CPA6: variants seen among roughly 807,000 people sequenced by gnomAD.
CPA6 encodes carboxypeptidase B.
CPA6 carries 58 observed loss-of-function variants against 63.3 expected under a neutral mutation model. The observed-to-expected ratio is 0.92, with a 90% CI of 0.74 to 1.14. CPA6 has a LOEUF of 1.14. CPA6 is among the 50% of genes most tolerant of loss of function. The pLI, the probability that CPA6 is intolerant of heterozygous loss-of-function variation, is 0.00. For synonymous variants in CPA6, 185 were observed against 179.0 expected (o/e 1.03, Z -0.27); for missense variants, 565 against 526.6 (o/e 1.07, Z -0.71).
chr8:67,453,172 G>T (rs1027378733), intron 8 of CPA6, among the ~76,000 whole-genome samples: 2 of 152,156 alleles, frequency 1.3e-5, no homozygotes, highest in African/African-American at 4.8e-5. Context: ...GAAGGCTCCT[G>T]CAGTAACCCA....
chr8:67,733,065 G>A (rs1039218857), intron 1 of CPA6, among the ~76,000 whole-genome samples: 1 of 151,472 alleles, frequency 6.6e-6, no homozygotes, highest in African/African-American at 2.4e-5. Flanking sequence ...GTGTGGTGGC[G>A]GGCACCTGTA....
At chr8:67,663,578 T>A (rs910566611) in intron 1 of CPA6, among the ~76,000 whole-genome samples, 4 of 152,136 alleles carry the variant, frequency 2.6e-5, no homozygotes, top group African/African-American at 9.7e-5. Flanking sequence ...TGTGTCCATG[T>A]GTTCTCATTG....
chr8:67,566,318 T>C (rs1281894190), intron 2 of CPA6, among the ~76,000 whole-genome samples: 4 of 152,204 alleles, frequency 2.6e-5, no homozygotes, highest in Non-Finnish European at 5.9e-5. Flanking sequence ...GGGATGGGCA[T>C]CTCCTCATAG....
intron 2 of CPA6, among the ~76,000 whole-genome samples, chr8:67,612,856 A>C (rs1172143619): frequency 1.3e-5 from 2 of 152,240 alleles, no homozygotes; most frequent in African/African-American, 4.8e-5. Flanking sequence ...TTTGCTAATC[A>C]AGTAAGCCAG....
At chr8:67,499,813 C>T (rs1181248556) in intron 6 of CPA6, among the ~76,000 whole-genome samples, 1 of 152,210 alleles carries the variant, frequency 6.6e-6, no homozygotes, top group Non-Finnish European at 1.5e-5. Context: ...CAGGTTGCTG[C>T]ATTTATCAAT....
intron 8 of CPA6, among the ~76,000 whole-genome samples, chr8:67,480,947 T>A (rs1040170752): frequency 2.0e-5 from 3 of 152,262 alleles, no homozygotes; most frequent in African/African-American, 7.2e-5. Flanking sequence ...TTCATGTGCT[T>A]ATTCTCTTTT....
At chr8:67,729,141 G>A (rs867850415) in intron 1 of CPA6, among the ~76,000 whole-genome samples, 10 of 152,258 alleles carry the variant, frequency 6.6e-5, no homozygotes, top group South Asian at 4.1e-4. Context: ...CATTAGAAAT[G>A]CAGAGTCCCA....
intron 8 of CPA6, among the ~76,000 whole-genome samples, chr8:67,461,667 C>T (rs1810810800): frequency 6.6e-6 from 1 of 152,056 alleles, no homozygotes; most frequent in South Asian, 2.1e-4. Flanking sequence ...ACCTCCCGGA[C>T]GGGGCGGCTG....
intron 2 of CPA6, among the ~76,000 whole-genome samples, chr8:67,553,948 G>A (rs1813004480): frequency 1.3e-5 from 2 of 152,168 alleles, no homozygotes. Flanking sequence ...TAAACCATGT[G>A]CTATTCCTGA....
At chr8:67,641,161 A>T (rs1315246901) in intron 1 of CPA6, among the ~76,000 whole-genome samples, 1 of 151,746 alleles carries the variant, frequency 6.6e-6, no homozygotes, top group African/African-American at 2.4e-5. Context: ...TGCCATCACT[A>T]CTACTAAATT....
intron 1 of CPA6, among the ~76,000 whole-genome samples, chr8:67,687,105 A>G (rs1816723528): frequency 6.7e-6 from 1 of 149,522 alleles, no homozygotes; most frequent in South Asian, 2.1e-4. Context: ...CAGTGATGTT[A>G]GCATTTCCAG....
chr8:67,620,765 C>T (rs1815061895), intron 2 of CPA6, among the ~76,000 whole-genome samples: 1 of 152,168 alleles, frequency 6.6e-6, no homozygotes, highest in Non-Finnish European at 1.5e-5. Flanking sequence ...ATATCTCCAA[C>T]TTCAATCCAA....
chr8:67,653,056 T>C lies in CPA6; in HGVS notation c.117-28805A>G, dbSNP rs560567363. Among the ~76,000 whole-genome samples the C allele has an allele frequency of 3.9e-5, 6 of 152,326 alleles. No homozygotes were observed. The East Asian group carries it at 7.7e-4, about 20-fold the overall frequency. ...GTCAAAGATCAGATGGTTGTAGATA[T>C]GCGGCATTATTTCTGAGGGCTCTGT... On this transcript the variant is annotated intron_variant, in intron 1 of 10. Transcript: ENST00000297770.
chr8:67,447,441 T>G (rs1810450953), intron 8 of CPA6, among the ~76,000 whole-genome samples: 1 of 151,546 alleles, frequency 6.6e-6, no homozygotes, highest in Non-Finnish European at 1.5e-5. Flanking sequence ...TACATCTGAG[T>G]GCTTTTATTT....
Position 67,492,783 on chromosome 8 carries a change from C to A in CPA6, c.637-7994G>T, listed in dbSNP as rs752719729. Among the ~76,000 whole-genome samples the A allele has an allele frequency of 5.3e-5, 8 of 151,976 alleles. No individual in the cohort carries two copies. The South Asian group carries it at 1.7e-3, about 32-fold the overall frequency. Reference sequence around the variant, plus strand: ...CAGAACACTCACTATTATTAGGTAGCGGAGTACAACTAATGCAATGGATTT... The same window carrying A: ...CAGAACACTCACTATTATTAGGTAGAGGAGTACAACTAATGCAATGGATTT... On this transcript the variant is annotated intron_variant, in intron 6 of 10. Transcript: ENST00000297770.
intron 2 of CPA6, among the ~76,000 whole-genome samples, chr8:67,593,991 C>T (rs1024838207): frequency 2.7e-5 from 4 of 150,420 alleles, no homozygotes; most frequent in African/African-American, 9.8e-5. Context: ...ATGGTCTTTA[C>T]ATTTTGGCAT....
intron 2 of CPA6, among the ~76,000 whole-genome samples, chr8:67,540,428 T>C (rs529923481): frequency 6.6e-6 from 1 of 152,292 alleles, no homozygotes; most frequent in South Asian, 2.1e-4. Flanking sequence ...CTCTCCTGTA[T>C]GAGGTGTCTG....
intron 8 of CPA6, among the ~76,000 whole-genome samples, chr8:67,450,651 C>T (rs117910906): frequency 6.6e-6 from 1 of 152,312 alleles, no homozygotes; most frequent in Non-Finnish European, 1.5e-5. Context: ...GGAAGGCAAT[C>T]AGGCTACGGG....
chr8:67,432,793 GT>G (rs1810057160), intron 9 of CPA6, among the ~76,000 whole-genome samples: 2 of 152,186 alleles, frequency 1.3e-5, no homozygotes, highest in East Asian at 1.9e-4. Context: ...ACAGGTGATA[GT>G]ATGCAAAGCT....
Sources: gnomAD v4.1 joint callset for allele counts (sites outside exome capture counted in the v4.1 genomes callset) on GRCh38, gnomAD v4.1.1 for gene constraint, MANE v1.5 for transcripts, NCBI Gene and HGNC (gene_info 2026-07-23, HGNC 2026-07-21) for gene names.